Variants in SATL1 observed in about 807,000 individuals in gnomAD.
The protein encoded by SATL1 is spermidine/spermine N(1)-acetyltransferase-like protein 1.
In SATL1, 47 loss-of-function variants were observed where a neutral mutation model predicts 51.8. That is an observed-to-expected ratio of 0.91 (90% CI 0.72 to 1.16). The LOEUF (loss-of-function observed/expected upper bound fraction) is 1.16, where lower values mean the gene tolerates loss of function less well. Among genes scored for constraint, SATL1 ranks in the 50% most tolerant of loss-of-function variants. The probability of loss-of-function intolerance (pLI) is 0.00; values close to 1 mark genes in which losing one functional copy is unlikely to be tolerated. For missense variants in SATL1, 520 were observed against 526.4 expected, an observed-to-expected ratio of 0.99 and a Z score of 0.12; for synonymous variants, 176 against 182.4, an observed-to-expected ratio of 0.97 and a Z score of 0.28.
At chrX:85,156,837 AT>A (rs1926602571) in intron 2 of SATL1, among the ~76,000 whole-genome samples, 14 of 14,674 alleles carry the variant, frequency 9.5e-4, no homozygotes, top group Admixed American at 3.6e-3. Context: ...ATATATATAT[AT>A]ATATATATAT....
intron 2 of SATL1, among the ~76,000 whole-genome samples, chrX:85,220,850 C>A (rs2147760927): frequency 9.2e-6 from 1 of 108,958 alleles, no homozygotes; most frequent in East Asian, 2.9e-4. Flanking sequence ...AAATTAAGTG[C>A]TCACCAGTCA....
chrX:85,210,828 A>T (rs1055092127), intron 2 of SATL1: 2 of 111,924 alleles, frequency 1.8e-5, no homozygotes, highest in South Asian at 7.4e-4. Context: ...CTGTTTTATT[A>T]TAAAGAAGAT....
intron 2 of SATL1, chrX:85,209,535 G>A (rs765480902): frequency 5.4e-5 from 6 of 111,213 alleles, no homozygotes; most frequent in South Asian, 3.8e-4. Flanking sequence ...ATTTGTTTGC[G>A]TCCTCTTTTA....
intron 2 of SATL1, among the ~76,000 whole-genome samples, chrX:85,156,811 GAT>G (rs1926597706): frequency 1.4e-5 from 1 of 70,603 alleles, no homozygotes; most frequent in African/African-American, 6.4e-5. Context: ...ACCATGTGGA[GAT>G]TATATATATA....
In SATL1 at chrX:85,107,379, T is replaced by G; in HGVS notation, c.1590A>C (p.Gln530His). ...AGTCTCCAGCCTCTGCATGTCTTAT[T>G]TGAAAGTAATCCATGCTTGTTTGCC... ...GMRQTSMDYF[Q>H]IRHAEAGDCP... is the part of the protein sequence containing the mutation. Residue 530 changes from glutamine to histidine, a missense_variant, in exon 3 of 8, where the codon CAA becomes CAC. Gln to His is a conservative substitution (Grantham distance 24). Coordinates refer to ENST00000644105, the MANE Select transcript of SATL1 (RefSeq NM_001367857.2). 8.2e-7 allele frequency: 1 copy of G among 1,212,354 alleles called. No individual in the cohort carries two copies.
chrX:85,235,978 T>G (rs1928473465), intron 1 of SATL1, among the ~76,000 whole-genome samples: 1 of 110,897 alleles, frequency 9.0e-6, no homozygotes, highest in African/African-American at 3.3e-5. Context: ...CACAAGTAAA[T>G]AAAATTATAG....
At chrX:85,141,383 CTT>C (rs1926105274) in intron 2 of SATL1, among the ~76,000 whole-genome samples, 1 of 111,836 alleles carries the variant, frequency 8.9e-6, no homozygotes, top group Non-Finnish European at 1.9e-5. Flanking sequence ...ACCTTAATGT[CTT>C]AGAAAGGATA....
chrX:85,153,124 A>G (rs1374022526), intron 2 of SATL1, among the ~76,000 whole-genome samples: 2 of 111,242 alleles, frequency 1.8e-5, no homozygotes, highest in Admixed American at 9.6e-5. Context: ...AGAAGTTCAT[A>G]TATGAGTCAT....
At chrX:85,207,364 G>A (rs776253138) in intron 2 of SATL1, 1 of 111,398 alleles carries the variant, frequency 9.0e-6, no homozygotes, top group South Asian at 3.8e-4. Context: ...CAAATACACA[G>A]GGCTCCTACT....
intron 2 of SATL1, among the ~76,000 whole-genome samples, chrX:85,114,762 G>A (rs763836448): frequency 7.5e-4 from 84 of 111,974 alleles, no homozygotes; most frequent in African/African-American, 2.3e-3. Flanking sequence ...TTACCTTTGC[G>A]TTAGTGTACT....
intron 7 of SATL1, 169 bp from the exon 8 acceptor site, chrX:85,092,730 C>A: frequency 4.4e-6 from 2 of 457,098 alleles, no homozygotes; most frequent in East Asian, 3.8e-5. Flanking sequence ...AGAAAAAAGT[C>A]TCACTGTTCT....
At chrX:85,092,866 A>C in intron 7 of SATL1, 1 of 321,792 alleles carries the variant, frequency 3.1e-6, no homozygotes, top group Non-Finnish European at 5.4e-6. Context: ...TTGCTTTTAT[A>C]GTCTTGTAAT....
intron 3 of SATL1, among the ~76,000 whole-genome samples, chrX:85,107,051 T>A (rs144031555): frequency 0.027 from 3,023 of 111,956 alleles, 104 homozygotes; most frequent in African/African-American, 0.094. Context: ...TTTCCAGGAA[T>A]TGGTTCCCCT....
At chrX:85,239,469 T>A (rs1928543137) in intron 1 of SATL1, among the ~76,000 whole-genome samples, 1 of 111,887 alleles carries the variant, frequency 8.9e-6, no homozygotes, top group East Asian at 2.8e-4. Context: ...ATTAACACAA[T>A]ATCAACCAAA....
At chrX:85,138,491 G>T (rs1926021604) in intron 2 of SATL1, among the ~76,000 whole-genome samples, 1 of 111,642 alleles carries the variant, frequency 9.0e-6, no homozygotes, top group Admixed American at 9.6e-5. Context: ...TGTGACTCGG[G>T]AGTTTTTTTT....
rs758972906 is a variant in SATL1 at position 85,108,000 on chromosome X, T to C, written c.969A>G (p.Gln323=). The change falls in exon 3 of 8, where the codon CAA becomes CAG. Residue 323 remains glutamine (Q), a synonymous_variant. Transcript: ENST00000644105. The part of the protein sequence containing the change: ...QPGMKQPGTW[Q]LGRSQPGMWP... ...ACATGCCTGGTTGGCTCCTACCTAA[T>C]TGCCATGTGCCTGGTTGTTTCATGC... 14 of 1,211,736 alleles carry C rather than the reference T, an allele frequency of 1.2e-5. No individual in the cohort carries two copies. Among genetic ancestry groups the C allele is most frequent in the Non-Finnish European group, 1.6e-5 (14 of 895,511 alleles).
chrX:85,117,444 T>A (rs182659256), intron 2 of SATL1: 1 of 111,477 alleles, frequency 9.0e-6, no homozygotes, highest in Non-Finnish European at 1.9e-5. Context: ...ATTTGTAGAA[T>A]CTTCATCTAG....
At chrX:85,176,050 T>C (rs1927075418) in intron 2 of SATL1, among the ~76,000 whole-genome samples, 1 of 111,709 alleles carries the variant, frequency 9.0e-6, no homozygotes. Context: ...CCTTAATATA[T>C]AAAGATATCT....
intron 2 of SATL1, among the ~76,000 whole-genome samples, chrX:85,154,795 T>C (rs1458626450): frequency 8.9e-6 from 1 of 112,516 alleles, no homozygotes; most frequent in Non-Finnish European, 1.9e-5. Flanking sequence ...GTTTCCTTTA[T>C]ACTTTGCACT....
Sources: gnomAD v4.1 joint callset for allele counts (sites outside exome capture counted in the v4.1 genomes callset) on GRCh38, gnomAD v4.1.1 for gene constraint, MANE v1.5 for transcripts, NCBI Gene and HGNC (gene_info 2026-07-23, HGNC 2026-07-21) for gene names.